The following L3MBTL4 variants were observed in gnomAD, a reference collection of about 807,000 sequenced individuals.
L3MBTL4 encodes the protein lethal(3)malignant brain tumor-like protein 4.
Under a neutral mutation model 84.5 loss-of-function variants are expected in L3MBTL4, and 70 were observed. The ratio of observed to expected loss-of-function variants is 0.83; its 90% CI spans 0.68 to 1.01. The LOEUF (loss-of-function observed/expected upper bound fraction) is 1.01. Ranked by LOEUF, L3MBTL4 falls within the 50% of genes least tolerant of loss-of-function variation. The pLI, the probability that L3MBTL4 is intolerant of heterozygous loss-of-function variation, is 0.00. For missense variants in L3MBTL4, 715 were observed against 754.8 expected (o/e 0.95, Z 0.62); for synonymous variants, 274 against 259.8 (o/e 1.05, Z -0.52).
At chr18:6,402,524 T>C (rs2055555743) in intron 1 of L3MBTL4, among the ~76,000 whole-genome samples, 1 of 152,162 alleles carries the variant, frequency 6.6e-6, no homozygotes, top group Non-Finnish European at 1.5e-5. Flanking sequence ...AAAATCTATC[T>C]ACAAGGCAGC....
intron 3 of L3MBTL4, among the ~76,000 whole-genome samples, chr18:6,309,754 G>T (rs1321012463): frequency 6.6e-6 from 1 of 152,210 alleles, no homozygotes; most frequent in Non-Finnish European, 1.5e-5. Context: ...TGTAGAGTAA[G>T]ATAACCGAGT....
intron 16 of L3MBTL4, among the ~76,000 whole-genome samples, chr18:6,016,662 A>T (rs1467789838): frequency 6.6e-6 from 1 of 152,188 alleles, no homozygotes; most frequent in Non-Finnish European, 1.5e-5. Flanking sequence ...AAAGTCTATT[A>T]TACCACTCTG....
rs1347129780 is a variant in L3MBTL4, at chr18:6,196,192, C to T, written c.981+16957G>A. On this transcript the variant is annotated intron_variant, in intron 12 of 18. Transcript: ENST00000317931. ...TTTTTTTTTGAGACTGAGTCTCGCT[C>T]TGTTGCCCAGGCTGTACTGCAGTGG... Among the ~76,000 whole-genome samples the T allele has an allele frequency of 2.1e-5, 3 of 139,992 alleles. No homozygotes were observed. The South Asian group carries it at 6.6e-4, about 31-fold the overall frequency. 91.8% of individuals were successfully genotyped at this position (139,992 alleles called of 152,430 possible). A position where few individuals can be genotyped will look rare whatever the true frequency, so the allele number is the denominator to read the frequency against.
intron 1 of L3MBTL4, among the ~76,000 whole-genome samples, chr18:6,342,744 A>T (rs2052670481): frequency 6.6e-6 from 1 of 152,142 alleles, no homozygotes; most frequent in Non-Finnish European, 1.5e-5. Flanking sequence ...ATCAATAATT[A>T]TTTTAAATTT....
intron 10 of L3MBTL4, among the ~76,000 whole-genome samples, chr18:6,235,208 T>C (rs2047168119): frequency 6.6e-6 from 1 of 152,050 alleles, no homozygotes; most frequent in African/African-American, 2.4e-5. Context: ...TTAGGAGAAA[T>C]ACCTAATGTA....
intron 16 of L3MBTL4, among the ~76,000 whole-genome samples, chr18:6,011,516 T>C (rs1313327179): frequency 6.6e-6 from 1 of 152,182 alleles, no homozygotes; most frequent in African/African-American, 2.4e-5. Context: ...CTGAGCCCCA[T>C]CTGAATTTTT....
intron 16 of L3MBTL4, among the ~76,000 whole-genome samples, chr18:6,034,482 AT>A (rs1391626261): frequency 6.6e-6 from 1 of 152,114 alleles, no homozygotes. Flanking sequence ...TGAACTCATC[AT>A]TTTTTATGGC....
At chr18:6,206,127 G>A (rs1168006529) in intron 12 of L3MBTL4, among the ~76,000 whole-genome samples, 1 of 152,164 alleles carries the variant, frequency 6.6e-6, no homozygotes, top group Non-Finnish European at 1.5e-5. Flanking sequence ...TATGCAGAAC[G>A]AAGAATCTGC....
At chr18:6,130,624 AC>A (rs969921186) in intron 14 of L3MBTL4, among the ~76,000 whole-genome samples, 69 of 152,310 alleles carry the variant, frequency 4.5e-4, no homozygotes, top group African/African-American at 1.6e-3. Context: ...TCAATAAATT[AC>A]CTGTGTATGT....
At chr18:6,111,038 T>C (rs1290789739) in intron 14 of L3MBTL4, among the ~76,000 whole-genome samples, 2 of 150,566 alleles carry the variant, frequency 1.3e-5, no homozygotes, top group Non-Finnish European at 1.5e-5. Flanking sequence ...CAATGAACAA[T>C]GCCTAGACCA....
chr18:6,240,231 A>G (rs1395550653), intron 8 of L3MBTL4, among the ~76,000 whole-genome samples: 2 of 152,086 alleles, frequency 1.3e-5, no homozygotes, highest in Non-Finnish European at 2.9e-5. Flanking sequence ...TCTGCTTCCC[A>G]TAGGCTTTTG....
chr18:6,048,911 T>C (rs907748668), intron 16 of L3MBTL4, among the ~76,000 whole-genome samples: 6 of 152,134 alleles, frequency 3.9e-5, no homozygotes, highest in Non-Finnish European at 8.8e-5. Flanking sequence ...AAAGCTGGGA[T>C]AGCTGACTAG....
chr18:6,203,638 A>G (rs2045744316), intron 12 of L3MBTL4, among the ~76,000 whole-genome samples: 1 of 152,182 alleles, frequency 6.6e-6, no homozygotes, highest in South Asian at 2.1e-4. Flanking sequence ...GGAAAAGAAC[A>G]GCCAGTCCCT....
chr18:6,141,453 G>A (rs573068959), intron 13 of L3MBTL4, among the ~76,000 whole-genome samples: 121 of 152,202 alleles, frequency 7.9e-4, no homozygotes, highest in African/African-American at 2.8e-3. Flanking sequence ...TGTCTCTGTA[G>A]TTATTTCTTA....
At chr18:6,343,246 AACAGATAT>A (rs1427089140) in intron 1 of L3MBTL4, among the ~76,000 whole-genome samples, 1 of 152,228 alleles carries the variant, frequency 6.6e-6, no homozygotes, top group Admixed American at 6.5e-5. Context: ...AAATGGACCT[AACAGATAT>A]ATAGAGAACA....
intron 12 of L3MBTL4, among the ~76,000 whole-genome samples, chr18:6,184,930 T>C (rs1183723946): frequency 1.3e-5 from 2 of 152,190 alleles, no homozygotes; most frequent in East Asian, 1.9e-4. Context: ...AAACAAAACT[T>C]GCAGCATTAT....
chr18:6,004,155 G>A (rs1326682947), intron 16 of L3MBTL4, among the ~76,000 whole-genome samples: 1 of 151,954 alleles, frequency 6.6e-6, no homozygotes, highest in Non-Finnish European at 1.5e-5. Flanking sequence ...GAAAAAAAAC[G>A]AATACTCAAA....
chr18:6,200,158 A>G (rs1375274543), intron 12 of L3MBTL4, among the ~76,000 whole-genome samples: 1 of 152,264 alleles, frequency 6.6e-6, no homozygotes, highest in Admixed American at 6.5e-5. Flanking sequence ...CTGTTTCTTC[A>G]TTTTGGAATC....
Position 5,969,450 on chromosome 18 carries a change from C to T in L3MBTL4, c.1557G>A (p.Leu519=). Residue 519 remains leucine, a synonymous_variant, in exon 17 of 19, where the codon TTG becomes TTA. Transcript: ENST00000317931. ...CCCGGATGTCAGCCACGCCTGGAAG[C>T]AACTTGCAGTGTTGCTCCCTGCCGA... is the stretch of plus-strand genomic sequence containing the variant. ...LPLGREQHCK[L]LPGVADIRAS... is the part of the protein sequence containing the mutation. 6.2e-7 allele frequency: 1 copy of T among 1,613,992 alleles called. No individual in the cohort carries two copies. The highest frequency in any genetic ancestry group is 1.1e-5 in the South Asian group (1 of 91,084).
Sources: gnomAD v4.1 joint callset for allele counts (sites outside exome capture counted in the v4.1 genomes callset) on GRCh38, gnomAD v4.1.1 for gene constraint, MANE v1.5 for transcripts, NCBI Gene and HGNC (gene_info 2026-07-23, HGNC 2026-07-21) for gene names.